The following TAFA2 variants were observed in gnomAD, a reference collection of about 807,000 sequenced individuals.
The protein encoded by TAFA2 is TAFA chemokine like family member 2.
Under a neutral mutation model 18.8 loss-of-function variants are expected in TAFA2, and 7 were observed. The ratio of observed to expected loss-of-function variants is 0.37; its 90% CI spans 0.21 to 0.70. The LOEUF (loss-of-function observed/expected upper bound fraction) is 0.70. Among genes scored for constraint, TAFA2 ranks in the 30% least tolerant of loss-of-function variants. The pLI is 0.53. For synonymous variants in TAFA2, 60 were observed against 54.2 expected, an observed-to-expected ratio of 1.11 and a Z score of -0.47; for missense variants, 122 against 158.1, an observed-to-expected ratio of 0.77 and a Z score of 1.23.
intron 1 of TAFA2, among the ~76,000 whole-genome samples, chr12:62,239,170 A>T (rs191001796): frequency 1.3e-5 from 2 of 152,294 alleles, no homozygotes; most frequent in East Asian, 3.9e-4. Flanking sequence ...TAGTGAAGAT[A>T]AATTTAGCTC....
intron 1 of TAFA2, among the ~76,000 whole-genome samples, chr12:62,181,756 C>CA (rs1188883478): frequency 6.6e-6 from 1 of 152,186 alleles, no homozygotes; most frequent in Non-Finnish European, 1.5e-5. Flanking sequence ...TTAGCTATGA[C>CA]ACCTTCTGAC....
chr12:61,920,886 A>C (rs891699518), intron 1 of TAFA2, among the ~76,000 whole-genome samples: 1 of 152,132 alleles, frequency 6.6e-6, no homozygotes, highest in African/African-American at 2.4e-5. Context: ...GGAGTTGTCA[A>C]AGAAGCCCTT....
intron 1 of TAFA2, among the ~76,000 whole-genome samples, chr12:62,043,255 C>T (rs1029700991): frequency 2.0e-5 from 3 of 152,136 alleles, no homozygotes; most frequent in Admixed American, 6.6e-5. Flanking sequence ...AAATGTGGCA[C>T]ATATACACCA....
intron 1 of TAFA2, among the ~76,000 whole-genome samples, chr12:62,218,496 T>G (rs1414614014): frequency 1.3e-5 from 2 of 152,208 alleles, no homozygotes; most frequent in Non-Finnish European, 1.5e-5. Flanking sequence ...AATTTGCTAT[T>G]CAGCAAAGAA....
intron 1 of TAFA2, among the ~76,000 whole-genome samples, chr12:62,180,320 T>C (rs757263053): frequency 6.6e-6 from 1 of 152,178 alleles, no homozygotes; most frequent in Non-Finnish European, 1.5e-5. Flanking sequence ...CAAGTCTGAG[T>C]GTTTTGGGAC....
intron 1 of TAFA2, among the ~76,000 whole-genome samples, chr12:62,050,557 G>A (rs1187205367): frequency 2.0e-5 from 3 of 151,064 alleles, no homozygotes; most frequent in East Asian, 2.0e-4. Context: ...GGGCGACAGA[G>A]TGAGACTCTG....
At chr12:61,956,738 T>C (rs1366384819) in intron 1 of TAFA2, among the ~76,000 whole-genome samples, 2 of 151,980 alleles carry the variant, frequency 1.3e-5, no homozygotes, top group Non-Finnish European at 2.9e-5. Context: ...TACCAGCAGA[T>C]GGTGAAAGTG....
intron 1 of TAFA2, among the ~76,000 whole-genome samples, chr12:62,034,761 T>C (rs1448067668): frequency 1.3e-5 from 2 of 152,180 alleles, no homozygotes; most frequent in Non-Finnish European, 2.9e-5. Context: ...TGTAAAATTA[T>C]AGTTTGGGAA....
chr12:62,050,798 C>T (rs1882032443), intron 1 of TAFA2, among the ~76,000 whole-genome samples: 2 of 152,144 alleles, frequency 1.3e-5, no homozygotes, highest in Admixed American at 1.3e-4. Flanking sequence ...AGTGATGTCA[C>T]ATCAGTAGCT....
intron 1 of TAFA2, among the ~76,000 whole-genome samples, chr12:62,141,368 T>G (rs986108221): frequency 5.3e-5 from 8 of 152,128 alleles, no homozygotes; most frequent in Non-Finnish European, 1.0e-4. Context: ...TGGTTCCAGT[T>G]GTTTCTGCTT....
At chr12:61,825,277 A>G (rs1872496305) in intron 2 of TAFA2, among the ~76,000 whole-genome samples, 1 of 152,188 alleles carries the variant, frequency 6.6e-6, no homozygotes, top group Non-Finnish European at 1.5e-5. Context: ...TGTGGACCCT[A>G]GAATAAGCAC....
At chr12:61,875,991 T>G (rs1288710509) in intron 1 of TAFA2, among the ~76,000 whole-genome samples, 2 of 152,172 alleles carry the variant, frequency 1.3e-5, no homozygotes, top group East Asian at 3.8e-4. Context: ...GATGGCTAAA[T>G]CATAAGCCTT....
chr12:61,992,160 T>C (rs2136690149), intron 1 of TAFA2, among the ~76,000 whole-genome samples: 1 of 152,266 alleles, frequency 6.6e-6, no homozygotes. Context: ...ATTCCTACCT[T>C]CTGAAATCCA....
chr12:61,861,848 TTTTG>T (rs1483297780), intron 2 of TAFA2, among the ~76,000 whole-genome samples: 1 of 152,204 alleles, frequency 6.6e-6, no homozygotes, highest in Non-Finnish European at 1.5e-5. Flanking sequence ...ATTTAAAAAA[TTTTG>T]TTTTTCTTTG....
chr12:61,799,702 G>A (rs1871329828), intron 2 of TAFA2, among the ~76,000 whole-genome samples: 1 of 152,030 alleles, frequency 6.6e-6, no homozygotes, highest in African/African-American at 2.4e-5. Flanking sequence ...GGCGCCTGTA[G>A]TCCCAGCTAC....
intron 1 of TAFA2, among the ~76,000 whole-genome samples, chr12:62,142,889 C>A (rs1333599533): frequency 6.6e-6 from 1 of 152,124 alleles, no homozygotes; most frequent in African/African-American, 2.4e-5. Context: ...AGATTAACAT[C>A]TTTAATCCTT....
At chr12:62,232,820 G>A (rs533817723) in intron 1 of TAFA2, among the ~76,000 whole-genome samples, 15 of 152,070 alleles carry the variant, frequency 9.9e-5, no homozygotes, top group Admixed American at 3.9e-4. Flanking sequence ...CTGAGTCCAC[G>A]TCTTATCCAC....
intron 1 of TAFA2, among the ~76,000 whole-genome samples, chr12:61,904,755 C>T (rs1290593212): frequency 1.3e-5 from 2 of 152,126 alleles, no homozygotes; most frequent in African/African-American, 4.8e-5. Flanking sequence ...CCCTTTCCCT[C>T]ATTCGGTCCC....
At chr12:61,715,523 GTATTTTTTT>G (rs1170269416) in intron 4 of TAFA2, among the ~76,000 whole-genome samples, 1 of 151,550 alleles carries the variant, frequency 6.6e-6, no homozygotes, top group Non-Finnish European at 1.5e-5. Flanking sequence ...TAATTTTTTT[GTATTTTTTT>G]TAGTAGAAAT....
Sources: allele counts gnomAD v4.1 joint callset (sites outside exome capture counted in the v4.1 genomes callset), GRCh38; gene constraint gnomAD v4.1.1; transcripts MANE v1.5; gene names NCBI Gene and HGNC (gene_info 2026-07-23, HGNC 2026-07-21).